GABRB2: variants seen among roughly 807,000 people sequenced by gnomAD.
GABRB2 encodes the protein gamma-aminobutyric acid type A receptor subunit beta2, also known as gamma-aminobutyric acid receptor subunit beta-2.
GABRB2 carries 16 observed loss-of-function variants against 54.7 expected under a neutral mutation model. The observed-to-expected ratio is 0.29, with a 90% confidence interval of 0.20 to 0.44. GABRB2 has a LOEUF of 0.44. Ranked by LOEUF, GABRB2 falls within the 20% of genes least tolerant of loss-of-function variation. The probability of loss-of-function intolerance (pLI) is 1.00; values close to 1 mark genes in which losing one functional copy is unlikely to be tolerated. For missense variants in GABRB2, 355 were observed against 644.0 expected, an observed-to-expected ratio of 0.55 and a Z score of 4.86; for synonymous variants, 244 against 233.8, an observed-to-expected ratio of 1.04 and a Z score of -0.40.
At chr5:161,353,687 G>A (rs1039092936) in intron 5 of GABRB2, among the ~76,000 whole-genome samples, 7 of 151,960 alleles carry the variant, frequency 4.6e-5, no homozygotes, top group Non-Finnish European at 7.4e-5. Flanking sequence ...TTTGGTAGCA[G>A]ATAAGTCCAA....
At chr5:161,529,412 T>C (rs1158856840) in intron 3 of GABRB2, among the ~76,000 whole-genome samples, 1 of 151,860 alleles carries the variant, frequency 6.6e-6, no homozygotes, top group Non-Finnish European at 1.5e-5. Context: ...TCCCTTAACA[T>C]CAGAAGAACA....
In GABRB2 at chr5:161,385,944, TC is replaced by T. The variant is rs1287394799; in HGVS notation, c.541+25030del. 4.8e-5 allele frequency among the ~76,000 whole-genome samples: 6 copies of T among 124,914 alleles called. 1 individual carries two copies. The highest frequency in any genetic ancestry group is 8.4e-5 in the Non-Finnish European group (5 of 59,318). The allele number at this position is 124,914 out of a possible 152,430, so 81.9% of individuals were successfully genotyped here. ...AACTTTTAGTAACTGTTACCTATTG[TC>T]TGGTGTGTGTGTGTGTGTGTGTGTG... On this transcript the variant is annotated intron_variant, in intron 5 of 9. Coordinates refer to ENST00000393959, the MANE Select transcript of GABRB2 (RefSeq NM_001371727.1).
chr5:161,487,734 A>G (rs1429352601), intron 3 of GABRB2, among the ~76,000 whole-genome samples: 1 of 151,922 alleles, frequency 6.6e-6, no homozygotes, highest in Non-Finnish European at 1.5e-5. Context: ...TAAACAAAAT[A>G]ACATGTAAAA....
intron 4 of GABRB2, among the ~76,000 whole-genome samples, chr5:161,455,870 T>C (rs1183986867): frequency 6.6e-6 from 1 of 152,102 alleles, no homozygotes. Context: ...GAAAGAACAA[T>C]ACAATGAACA....
intron 3 of GABRB2, among the ~76,000 whole-genome samples, chr5:161,464,456 T>C (rs1406250209): frequency 1.3e-5 from 2 of 152,108 alleles, no homozygotes; most frequent in Non-Finnish European, 2.9e-5. Flanking sequence ...TTCCGAGTGC[T>C]GGTGAGAAGG....
intron 5 of GABRB2, among the ~76,000 whole-genome samples, chr5:161,380,892 G>C (rs1425997524): frequency 1.3e-5 from 2 of 151,816 alleles, no homozygotes; most frequent in Non-Finnish European, 2.9e-5. Flanking sequence ...TACTGAATGT[G>C]GGGTGAGTAG....
chr5:161,395,323 G>T (rs924898944), intron 5 of GABRB2, among the ~76,000 whole-genome samples: 5 of 152,072 alleles, frequency 3.3e-5, no homozygotes, highest in African/African-American at 1.2e-4. Context: ...AGGCAAAAAA[G>T]AAAGGAGCTC....
At chr5:161,491,491 A>T (rs999192762) in intron 3 of GABRB2, among the ~76,000 whole-genome samples, 2 of 151,676 alleles carry the variant, frequency 1.3e-5, no homozygotes, top group Non-Finnish European at 3.0e-5. Flanking sequence ...CAATTATTTG[A>T]TCATCTGATA....
chr5:161,470,023 G>A (rs1758393031), intron 3 of GABRB2, among the ~76,000 whole-genome samples: 1 of 151,602 alleles, frequency 6.6e-6, no homozygotes, highest in Non-Finnish European at 1.5e-5. Context: ...TCTTTTGCTT[G>A]AATTAAACTT....
chr5:161,408,690 G>T (rs892758654), intron 5 of GABRB2, among the ~76,000 whole-genome samples: 1 of 151,890 alleles, frequency 6.6e-6, no homozygotes, highest in African/African-American at 2.4e-5. Context: ...GGGAGGAAAA[G>T]AGGAAAGCAG....
intron 5 of GABRB2, among the ~76,000 whole-genome samples, chr5:161,375,080 C>G (rs1321498286): frequency 6.6e-6 from 1 of 152,134 alleles, no homozygotes; most frequent in East Asian, 1.9e-4. Flanking sequence ...TTTTCACATA[C>G]TTCATTTTTC....
At chr5:161,422,948 T>A (rs1756892425) in intron 4 of GABRB2, among the ~76,000 whole-genome samples, 1 of 152,182 alleles carries the variant, frequency 6.6e-6, no homozygotes, top group Admixed American at 6.5e-5. Flanking sequence ...AATGATTGAA[T>A]TCCATCCATA....
At chr5:161,373,149 G>A (rs1481756688) in intron 5 of GABRB2, among the ~76,000 whole-genome samples, 2 of 152,042 alleles carry the variant, frequency 1.3e-5, no homozygotes, top group African/African-American at 4.8e-5. Context: ...GCATCCAAGT[G>A]CAGTCAACAT....
At chr5:161,496,192 C>T (rs1347985704) in intron 3 of GABRB2, among the ~76,000 whole-genome samples, 3 of 152,118 alleles carry the variant, frequency 2.0e-5, no homozygotes, top group Non-Finnish European at 4.4e-5. Flanking sequence ...TGACTTTGAA[C>T]TAATTATGCA....
At chr5:161,299,090 T>G (rs889522442) in intron 9 of GABRB2, among the ~76,000 whole-genome samples, 4 of 152,144 alleles carry the variant, frequency 2.6e-5, no homozygotes, top group African/African-American at 9.7e-5. Flanking sequence ...CTTGCAAAAT[T>G]TTCCTTAATG....
intron 5 of GABRB2, among the ~76,000 whole-genome samples, chr5:161,398,064 GA>G (rs1756060457): frequency 6.6e-6 from 1 of 152,168 alleles, no homozygotes; most frequent in Non-Finnish European, 1.5e-5. Flanking sequence ...GATAGACAGA[GA>G]CAGATAAATA....
rs531740757 is a variant in GABRB2, at chr5:161,414,744, A to G, written c.459-3687T>C. Reference sequence around the variant, plus strand: ...CAAATAAAAAATATTAATTATTATTATAATAATAAAACAAATATAACAATA... The same window carrying G: ...CAAATAAAAAATATTAATTATTATTGTAATAATAAAACAAATATAACAATA... On this transcript the variant is annotated intron_variant, in intron 4 of 9. Coordinates refer to ENST00000393959, the MANE Select transcript of GABRB2 (RefSeq NM_001371727.1). Among the ~76,000 whole-genome samples, 57 of 151,366 alleles carry G rather than the reference A, an allele frequency of 3.8e-4. 1 individual carries two copies. In the South Asian group the frequency reaches 0.012, roughly 31 times the overall value.
intron 7 of GABRB2, among the ~76,000 whole-genome samples, chr5:161,332,165 CAA>C (rs5872708): frequency 2.9e-5 from 2 of 69,446 alleles, no homozygotes; most frequent in Non-Finnish European, 5.5e-5. Flanking sequence ...GACTCCGTCT[CAA>C]AAAAAAAAAA....
intron 3 of GABRB2, among the ~76,000 whole-genome samples, chr5:161,506,758 A>G (rs564875508): frequency 6.6e-6 from 1 of 152,272 alleles, no homozygotes; most frequent in Non-Finnish European, 1.5e-5. Flanking sequence ...AGAGCAATGG[A>G]GCCAACTAGA....
Sources: allele counts gnomAD v4.1 joint callset (sites outside exome capture counted in the v4.1 genomes callset), GRCh38; gene constraint gnomAD v4.1.1; transcripts MANE v1.5; gene names NCBI Gene and HGNC (gene_info 2026-07-23, HGNC 2026-07-21).